The following PSD3 variants were observed in gnomAD, a reference collection of about 807,000 sequenced individuals.
The protein encoded by PSD3 is pleckstrin and Sec7 domain containing 3, also known as PH and SEC7 domain-containing protein 3.
In PSD3, 49 loss-of-function variants were observed where a neutral mutation model predicts 105.5. The ratio of observed to expected loss-of-function variants is 0.46; its 90% CI spans 0.37 to 0.59. The LOEUF is 0.59. Among genes scored for constraint, PSD3 ranks in the 20% least tolerant of loss-of-function variants. PSD3 has a pLI of 0.00. For synonymous variants in PSD3, 557 were observed against 457.8 expected (o/e 1.22, Z -2.77); for missense variants, 1,561 against 1,263.8 (o/e 1.24, Z -3.57).
chr8:18,583,297 G>T (rs1802942701), intron 12 of PSD3, among the ~76,000 whole-genome samples: 1 of 152,126 alleles, frequency 6.6e-6, no homozygotes, highest in African/African-American at 2.4e-5. Context: ...AAATTAGTCA[G>T]GTGTGGTGGT....
At chr8:18,565,964 C>G (rs1057329912) in intron 14 of PSD3, among the ~76,000 whole-genome samples, 1 of 151,992 alleles carries the variant, frequency 6.6e-6, no homozygotes, top group African/African-American at 2.4e-5. Flanking sequence ...ATTATCCACA[C>G]CAAAATGTTA....
intron 11 of PSD3, among the ~76,000 whole-genome samples, chr8:18,630,728 T>A (rs1806836238): frequency 6.6e-6 from 1 of 151,938 alleles, no homozygotes; most frequent in East Asian, 1.9e-4. Context: ...ATCTGTGGGT[T>A]CTGCAACTGT....
Position 18,648,973 on chromosome 8 carries a change from A to T in PSD3, c.2216+6669T>A, listed in dbSNP as rs1008201954. Reference sequence around the variant, plus strand: ...CGGAGCCTTTGCCTAGATGTCAGAGAATGTATGGAAAAGCCTGGATATCCA... The same window carrying T: ...CGGAGCCTTTGCCTAGATGTCAGAGTATGTATGGAAAAGCCTGGATATCCA... On this transcript the variant is annotated intron_variant, in intron 10 of 15. Transcript: ENST00000327040. 7.2e-5 allele frequency among the ~76,000 whole-genome samples: 11 copies of T among 152,336 alleles called. No homozygotes were observed. The South Asian group carries it at 2.3e-3, about 32-fold the overall frequency.
intron 1 of PSD3, among the ~76,000 whole-genome samples, chr8:19,006,331 C>T (rs1174003263): frequency 7.3e-5 from 11 of 149,824 alleles, no homozygotes; most frequent in Admixed American, 3.3e-4. Context: ...TAAATACATA[C>T]AGATGCATGC....
chr8:18,763,038 C>G, intron 9 of PSD3: 3 of 566,008 alleles, frequency 5.3e-6, no homozygotes, highest in Non-Finnish European at 9.2e-6. Context: ...AGTAAACACA[C>G]AGCAGACCTT....
chr8:18,584,283 T>C (rs1016684089), intron 12 of PSD3, among the ~76,000 whole-genome samples: 1 of 152,216 alleles, frequency 6.6e-6, no homozygotes, highest in Admixed American at 6.5e-5. Context: ...GGAAAGTTAA[T>C]GCACAGTTGC....
At chr8:18,706,331 T>G (rs1385746961) in intron 9 of PSD3, among the ~76,000 whole-genome samples, 1 of 152,236 alleles carries the variant, frequency 6.6e-6, no homozygotes, top group Non-Finnish European at 1.5e-5. Context: ...TATGGAAGAA[T>G]TTTTTCTCGT....
intron 1 of PSD3, among the ~76,000 whole-genome samples, chr8:19,051,194 C>T (rs775478418): frequency 6.6e-6 from 1 of 152,148 alleles, no homozygotes. Flanking sequence ...AGAGACCCTC[C>T]TCCCTCTGGT....
chr8:18,970,315 ACT>A (rs1255397367), intron 1 of PSD3, among the ~76,000 whole-genome samples: 1 of 93,152 alleles, frequency 1.1e-5, no homozygotes, highest in Non-Finnish European at 2.0e-5. Context: ...ACAGAGCAAG[ACT>A]CTGCCTCAAA....
rs181504454 is a variant in PSD3, at chr8:19,077,608, C to T, written c.324+6598G>A. 3.3e-5 allele frequency among the ~76,000 whole-genome samples: 5 copies of T among 152,194 alleles called. No homozygotes were observed. The East Asian group carries it at 5.8e-4, about 18-fold the overall frequency. ...AGAGTTGTCAGCTAAGAGTGTAAACCGATTGCTTTGTATAAATGTTTTATC... is the reference window on the plus strand; with the variant it reads ...AGAGTTGTCAGCTAAGAGTGTAAACTGATTGCTTTGTATAAATGTTTTATC... On this transcript the variant is annotated intron_variant, in intron 1 of 1. Coordinates refer to the PSD3 transcript ENST00000521475.
Position 18,532,457 on chromosome 8 carries a change from T to G in PSD3, c.*3286A>C, listed in dbSNP as rs1046741246. The G allele has an allele frequency of 1.3e-5, 2 of 152,216 alleles. No homozygotes were observed. Among genetic ancestry groups the G allele is most frequent in the African/African-American group, 4.8e-5 (2 of 41,458 alleles). 9.4% of individuals were successfully genotyped at this position (152,216 alleles called of 1,614,324 possible). Reference sequence around the variant, plus strand: ...AGTTGGAGACGCATAGAGGGTCTTGTGTTTGCCACAAGACCACTGCACCAA... The same window carrying G: ...AGTTGGAGACGCATAGAGGGTCTTGGGTTTGCCACAAGACCACTGCACCAA... On this transcript the variant is annotated 3_prime_UTR_variant, in exon 16 of 16. Coordinates refer to ENST00000327040, the MANE Select transcript of PSD3 (RefSeq NM_015310.4).
In PSD3 at chr8:18,871,640, C is replaced by T. The variant is rs754336635; in HGVS notation, c.1224G>A (p.Glu408=). ...KQHLEKTPKP[E]RDRERISEQE... ...TGGGAGCTCACCTTTCCCTGTCTCT[C>T]TCTGGTTTAGGTGTCTTCTCAAGAT... Residue 408 remains glutamate, a synonymous_variant, in exon 3 of 16, where the codon GAG becomes GAA. Coordinates refer to ENST00000327040, the MANE Select transcript of PSD3 (RefSeq NM_015310.4). 63 of 1,604,732 alleles carry T rather than the reference C, an allele frequency of 3.9e-5. No homozygotes were observed. Among genetic ancestry groups the T allele is most frequent in the Admixed American group, 5.1e-5 (3 of 59,026 alleles).
At chr8:19,067,955 T>C (rs1829131080) in intron 1 of PSD3, among the ~76,000 whole-genome samples, 1 of 152,148 alleles carries the variant, frequency 6.6e-6, no homozygotes, top group Non-Finnish European at 1.5e-5. Context: ...CGAAGGAAAA[T>C]CCCTCCATCA....
chr8:18,811,917 A>G (rs1420894092), intron 4 of PSD3, among the ~76,000 whole-genome samples: 1 of 152,236 alleles, frequency 6.6e-6, no homozygotes, highest in African/African-American at 2.4e-5. Flanking sequence ...TAGTGTATAA[A>G]TGCTTATTAA....
At chr8:18,740,994 A>T (rs1466945618) in intron 9 of PSD3, among the ~76,000 whole-genome samples, 3 of 152,178 alleles carry the variant, frequency 2.0e-5, no homozygotes, top group African/African-American at 7.2e-5. Flanking sequence ...TCCTGGTGCA[A>T]AGCCAAAAAT....
intron 2 of PSD3, among the ~76,000 whole-genome samples, chr8:18,892,157 G>A (rs1029214334): frequency 7.5e-6 from 1 of 132,718 alleles, no homozygotes; most frequent in African/African-American, 3.1e-5. Flanking sequence ...CCTATTGTTT[G>A]CTGTCACTTA....
intron 1 of PSD3, among the ~76,000 whole-genome samples, chr8:18,955,059 C>T (rs1331159843): frequency 6.6e-6 from 1 of 152,186 alleles, no homozygotes; most frequent in Non-Finnish European, 1.5e-5. Context: ...TAGCAAATCA[C>T]CTTCAAATGT....
At chr8:18,804,245 G>C (rs1184338537) in intron 6 of PSD3, 3 of 298,140 alleles carry the variant, frequency 1.0e-5, no homozygotes, top group Non-Finnish European at 1.2e-5. Context: ...ACACTTTTCA[G>C]TGCTGAAATA....
chr8:18,634,738 G>C (rs1299657635), intron 10 of PSD3, among the ~76,000 whole-genome samples: 1 of 151,968 alleles, frequency 6.6e-6, no homozygotes, highest in Admixed American at 6.6e-5. Flanking sequence ...TGCATTTTTT[G>C]GGGAAAGATT....
Sources: gnomAD v4.1 joint callset for allele counts (sites outside exome capture counted in the v4.1 genomes callset) on GRCh38, gnomAD v4.1.1 for gene constraint, MANE v1.5 for transcripts, NCBI Gene and HGNC (gene_info 2026-07-23, HGNC 2026-07-21) for gene names.